CLDN12: variants seen among roughly 807,000 people sequenced by gnomAD.
The protein encoded by CLDN12 is claudin 12.
CLDN12 carries 9 observed loss-of-function variants against 15.5 expected under a neutral mutation model. The observed-to-expected ratio is 0.58, with a 90% CI of 0.35 to 1.02. CLDN12 has a LOEUF of 1.02. CLDN12 is among the 50% of genes least tolerant of loss of function. CLDN12 has a pLI of 0.02. For synonymous variants in CLDN12, 140 were observed against 121.6 expected (o/e 1.15, Z -1.00); for missense variants, 233 against 297.3 (o/e 0.78, Z 1.59).
At chr7:90,406,591 T>C (rs1796840664) in intron 2 of CLDN12, among the ~76,000 whole-genome samples, 1 of 152,254 alleles carries the variant, frequency 6.6e-6, no homozygotes, top group South Asian at 2.1e-4. Context: ...GACCATATTC[T>C]GGTTTACAAA....
chr7:90,414,136 G>C lies in CLDN12; in HGVS notation c.*725G>C. ...TATGACAGGTTAGTGTTTCCTCTGA[G>C]GCAGAAAACTCTTTTTTGGAGATAT... On this transcript the variant is annotated 3_prime_UTR_variant, in exon 4 of 4. Coordinates refer to ENST00000496677, the MANE Select transcript of CLDN12 (RefSeq NM_001185072.3). 1 of 1,000,146 alleles carries C rather than the reference G, an allele frequency of 1.0e-6. No individual in the cohort carries two copies. Among genetic ancestry groups the C allele is most frequent in the South Asian group, 4.7e-5 (1 of 21,284 alleles). The allele number at this position is 1,000,146 out of a possible 1,614,324, so 62.0% of individuals were successfully genotyped here. A position where few individuals can be genotyped will look rare whatever the true frequency, so the allele number is the denominator to read the frequency against.
At chr7:90,404,893 T>A (rs969680833) in intron 1 of CLDN12, among the ~76,000 whole-genome samples, 1 of 151,634 alleles carries the variant, frequency 6.6e-6, no homozygotes. Flanking sequence ...CCTTTTTATT[T>A]TTTTTTTTTT....
Position 90,415,237 on chromosome 7 carries a change from C to T in CLDN12, c.*1826C>T, listed in dbSNP as rs571487034. 67 of 165,658 alleles carry T rather than the reference C, an allele frequency of 4.0e-4. No homozygotes were observed. Among genetic ancestry groups the T allele is most frequent in the African/African-American group, 1.6e-3 (65 of 41,510 alleles). The allele number at this position is 165,658 out of a possible 1,614,324, so 10.3% of individuals were successfully genotyped here. ...GCTTCTGATTTCTTTCACTTCTGATCCTTTTCCTTTTTCTCAGATGTAGCT... is the reference window on the plus strand; with the variant it reads ...GCTTCTGATTTCTTTCACTTCTGATTCTTTTCCTTTTTCTCAGATGTAGCT... On this transcript the variant is annotated 3_prime_UTR_variant, in exon 4 of 4. Transcript: ENST00000496677.
chr7:90,411,201 G>T (rs1013797746), intron 2 of CLDN12, among the ~76,000 whole-genome samples: 1 of 152,152 alleles, frequency 6.6e-6, no homozygotes, highest in Non-Finnish European at 1.5e-5. Flanking sequence ...CATCCCAGCA[G>T]ATGTTTGATT....
At chr7:90,405,667 CAAT>C (rs1183545165) in intron 2 of CLDN12, 59 bp downstream of exon 2, 25 of 152,184 alleles carry the variant, frequency 1.6e-4, no homozygotes, top group Admixed American at 1.6e-3. Context: ...CATCTGCCAA[CAAT>C]GACTCTTTTT....
intron 2 of CLDN12, among the ~76,000 whole-genome samples, chr7:90,409,705 A>G (rs1392772998): frequency 1.3e-5 from 2 of 152,192 alleles, no homozygotes; most frequent in Non-Finnish European, 2.9e-5. Context: ...AATTTTTATG[A>G]ACAGGTACCT....
chr7:90,413,636 C>T lies in CLDN12; in HGVS notation c.*225C>T. On this transcript the variant is annotated 3_prime_UTR_variant, in exon 4 of 4. Coordinates refer to ENST00000496677, the MANE Select transcript of CLDN12 (RefSeq NM_001185072.3). Reference sequence around the variant, plus strand: ...TTCTTATACTGGAAGGAATTTTAGCCTTCATATTGATATCTAATTAATTAT... The same window carrying T: ...TTCTTATACTGGAAGGAATTTTAGCTTTCATATTGATATCTAATTAATTAT... The T allele has an allele frequency of 7.7e-7, 1 of 1,303,954 alleles. No homozygotes were observed. Among genetic ancestry groups the T allele is most frequent in the Non-Finnish European group, 9.8e-7 (1 of 1,022,548 alleles). 80.8% of individuals were successfully genotyped at this position (1,303,954 alleles called of 1,614,324 possible). A position where few individuals can be genotyped will look rare whatever the true frequency, so the allele number is the denominator to read the frequency against.
intron 2 of CLDN12, among the ~76,000 whole-genome samples, chr7:90,411,565 ACAG>A (rs1394496336): frequency 3.3e-5 from 5 of 152,148 alleles, no homozygotes; most frequent in Non-Finnish European, 7.3e-5. Flanking sequence ...TCTTATATGA[ACAG>A]TAGTAGTAAT....
At position 90,413,002 on chromosome 7, in the gene CLDN12, G is replaced by A. The variant is rs1485280228; in HGVS notation, c.326G>A (p.Cys109Tyr). The A allele has an allele frequency of 6.2e-7, 1 of 1,614,176 alleles. No homozygotes were observed. Among genetic ancestry groups the A allele is most frequent in the Non-Finnish European group, 8.5e-7 (1 of 1,180,044 alleles). Residue 109 changes from cysteine (C) to tyrosine (Y), a missense_variant, in exon 4 of 4, where the codon TGC becomes TAC. Physicochemically the swap from Cys to Tyr is radical, Grantham distance 194. Coordinates refer to ENST00000496677, the MANE Select transcript of CLDN12 (RefSeq NM_001185072.3). Reference sequence around the variant, plus strand: ...CTGCTGCTCTGCCTGATTGGAATGTGCAACACTGCCTTCAGGTCCTCGGTG... The same window carrying A: ...CTGCTGCTCTGCCTGATTGGAATGTACAACACTGCCTTCAGGTCCTCGGTG... ...GALLLCLIGMCNTAFRSSVPN... is the reference protein window; with the variant it reads ...GALLLCLIGMYNTAFRSSVPN...
Position 90,412,723 on chromosome 7 carries a change from G to A in CLDN12, c.47G>A (p.Cys16Tyr). Residue 16 changes from cysteine to tyrosine, a missense_variant, in exon 4 of 4, where the codon TGT (cysteine) becomes TAT (tyrosine). Physicochemically the swap from Cys to Tyr is radical, Grantham distance 194 (BLOSUM62 -2). Transcript: ENST00000496677. ...VHAATVLSFL[C>Y]GIASVAGLFA... ...GCAGCCACAGTCCTTTCCTTCCTGT[G>A]TGGAATCGCCTCAGTAGCAGGCCTC... is the stretch of plus-strand genomic sequence containing the variant. The A allele has an allele frequency of 6.2e-7, 1 of 1,614,160 alleles. No individual in the cohort carries two copies.
chr7:90,405,484 T>C (rs1395408828), intron 1 of CLDN12, 35 bp from the exon 2 acceptor site: 1 of 152,246 alleles, frequency 6.6e-6, no homozygotes, highest in Non-Finnish European at 1.5e-5. Flanking sequence ...AGAGAAGTAC[T>C]ATGTTAATTT....
At chr7:90,407,004 G>A (rs564701949) in intron 2 of CLDN12, among the ~76,000 whole-genome samples, 55 of 152,094 alleles carry the variant, frequency 3.6e-4, no homozygotes, top group African/African-American at 1.3e-3. Flanking sequence ...AGAGAAGTAT[G>A]TCTAATTCAT....
At position 90,413,459 on chromosome 7, in the gene CLDN12, C is replaced by T. The variant is rs866289679; in HGVS notation, c.*48C>T. Reference sequence around the variant, plus strand: ...AGAAAACTTCTTGTAGCCTCACATTCCCCTTGTGCAAAGAGCTCTTTTGGA... The same window carrying T: ...AGAAAACTTCTTGTAGCCTCACATTTCCCTTGTGCAAAGAGCTCTTTTGGA... On this transcript the variant is annotated 3_prime_UTR_variant, in exon 4 of 4. Transcript: ENST00000496677. 2.5e-6 allele frequency: 4 copies of T among 1,576,938 alleles called. No homozygotes were observed. The highest frequency in any genetic ancestry group is 1.8e-5 in the Admixed American group (1 of 56,288).
rs1217821009 is a variant in CLDN12, at chr7:90,414,344, G to A, written c.*933G>A. 15 of 1,000,096 alleles carry A rather than the reference G, an allele frequency of 1.5e-5. No homozygotes were observed. Among genetic ancestry groups the A allele is most frequent in the Non-Finnish European group, 1.8e-5 (15 of 829,994 alleles). 62.0% of individuals were successfully genotyped at this position (1,000,096 alleles called of 1,614,324 possible). ...GCCTTTTGAGTTATGGGTGAAGTAAGGTATGGCTTTACCATAACCTTGATT... is the reference window on the plus strand; with the variant it reads ...GCCTTTTGAGTTATGGGTGAAGTAAAGTATGGCTTTACCATAACCTTGATT... On this transcript the variant is annotated 3_prime_UTR_variant, in exon 4 of 4. Transcript: ENST00000496677.
intron 2 of CLDN12, among the ~76,000 whole-genome samples, chr7:90,410,717 G>A (rs556326182): frequency 2.8e-4 from 43 of 152,112 alleles, no homozygotes; most frequent in African/African-American, 8.4e-4. Context: ...GGGGGTGGAA[G>A]GAGGAGGGCT....
At position 90,413,275 on chromosome 7, in the gene CLDN12, A is replaced by G; in HGVS notation, c.599A>G (p.Lys200Arg). The G allele has an allele frequency of 6.2e-7, 1 of 1,614,124 alleles. No homozygotes were observed. Among genetic ancestry groups the G allele is most frequent in the Non-Finnish European group, 8.5e-7 (1 of 1,180,016 alleles). The change falls in exon 4 of 4, where the codon AAA becomes AGA. Residue 200 changes from lysine to arginine, a missense_variant. Physicochemically the swap from Lys to Arg is conservative, Grantham distance 26. Coordinates refer to ENST00000496677, the MANE Select transcript of CLDN12 (RefSeq NM_001185072.3). ...CTATTTATTTGGTATTGTACATGCA[A>G]ATCTTTGCCTTCTCCTTTCTGGCAA... ...LILFIWYCTC[K>R]SLPSPFWQPL...
intron 2 of CLDN12, among the ~76,000 whole-genome samples, chr7:90,409,629 T>C (rs1396510324): frequency 2.0e-5 from 3 of 152,252 alleles, no homozygotes; most frequent in Non-Finnish European, 2.9e-5. Context: ...CTTTTTCCTA[T>C]GTCTTCACAA....
intron 1 of CLDN12, among the ~76,000 whole-genome samples, chr7:90,404,834 A>G (rs1177895833): frequency 6.6e-6 from 1 of 151,434 alleles, no homozygotes. Context: ...GTATTTTTCT[A>G]TATTCTATAT....
intron 1 of CLDN12, among the ~76,000 whole-genome samples, chr7:90,404,011 A>AGGGAGGAGGAGAGGAGGCGGAGGG (rs1456990179): frequency 1.0e-4 from 4 of 38,922 alleles, no homozygotes; most frequent in African/African-American, 4.1e-4. Flanking sequence ...CTTCGAAAAG[A>AGGGAGGAGGAGAGGAGGCGGAGGG]GGGAGGAGGA....
Sources: gnomAD v4.1 joint callset for allele counts (sites outside exome capture counted in the v4.1 genomes callset) on GRCh38, gnomAD v4.1.1 for gene constraint, MANE v1.5 for transcripts, NCBI Gene and HGNC (gene_info 2026-07-23, HGNC 2026-07-21) for gene names.